The following CTNNA3 variants were observed in gnomAD, a reference collection of about 807,000 sequenced individuals.
CTNNA3 encodes the protein catenin alpha-3.
CTNNA3 carries 76 observed loss-of-function variants against 95.7 expected under a neutral mutation model. The observed-to-expected ratio is 0.79, with a 90% CI of 0.66 to 0.96. The LOEUF is 0.96. Among genes scored for constraint, CTNNA3 ranks in the 40% least tolerant of loss-of-function variants. The pLI is 0.00. For synonymous variants in CTNNA3, 431 were observed against 374.4 expected (o/e 1.15, Z -1.74); for missense variants, 1,191 against 1,089.8 (o/e 1.09, Z -1.31).
intron 5 of CTNNA3, among the ~76,000 whole-genome samples, chr10:67,321,752 A>T (rs73266255): frequency 0.055 from 8,395 of 152,194 alleles, 748 homozygotes; most frequent in African/African-American, 0.19. Flanking sequence ...TCAAACTCAC[A>T]TATACAACTT....
chr10:66,875,955 C>T (rs1470602769), intron 7 of CTNNA3, among the ~76,000 whole-genome samples: 1 of 152,086 alleles, frequency 6.6e-6, no homozygotes, highest in East Asian at 1.9e-4. Flanking sequence ...GTGTGTGGCT[C>T]ATTGGCTGAC....
At chr10:67,504,072 G>GCAAGAACCACTGCACTGAAA (rs1839335463) in intron 5 of CTNNA3, among the ~76,000 whole-genome samples, 1 of 151,602 alleles carries the variant, frequency 6.6e-6, no homozygotes, top group Non-Finnish European at 1.5e-5. Flanking sequence ...CAGGAGAATG[G>GCAAGAACCACTGCACTGAAA]TGTGAACCCA....
intron 5 of CTNNA3, among the ~76,000 whole-genome samples, chr10:67,344,616 T>C (rs1484784757): frequency 6.6e-6 from 1 of 152,128 alleles, no homozygotes; most frequent in African/African-American, 2.4e-5. Flanking sequence ...TCTTCTAGAT[T>C]GTTTCACCTT....
At chr10:67,449,878 T>C (rs927611249) in intron 5 of CTNNA3, among the ~76,000 whole-genome samples, 3 of 151,754 alleles carry the variant, frequency 2.0e-5, no homozygotes, top group African/African-American at 7.3e-5. Context: ...ACCTAAATAG[T>C]AGGAAAAAAT....
chr10:67,231,458 G>C (rs958409368), intron 5 of CTNNA3, among the ~76,000 whole-genome samples: 1 of 152,268 alleles, frequency 6.6e-6, no homozygotes, highest in Admixed American at 6.5e-5. Flanking sequence ...ACCTGCAGCT[G>C]AGGGTCCTGT....
intron 13 of CTNNA3, among the ~76,000 whole-genome samples, chr10:66,157,594 C>T (rs1225944571): frequency 6.6e-6 from 1 of 151,932 alleles, no homozygotes; most frequent in African/African-American, 2.4e-5. Context: ...GTTGGTTCCA[C>T]AATTTTGAAG....
intron 5 of CTNNA3, among the ~76,000 whole-genome samples, chr10:67,439,742 G>C (rs1846429490): frequency 6.6e-6 from 1 of 152,126 alleles, no homozygotes; most frequent in African/African-American, 2.4e-5. Context: ...GCCCAGAAGG[G>C]AGCCTGCTAC....
chr10:66,041,247 A>G (rs550654443), intron 15 of CTNNA3, among the ~76,000 whole-genome samples: 39 of 152,342 alleles, frequency 2.6e-4, no homozygotes, highest in African/African-American at 8.4e-4. Context: ...TGGCAAGGTC[A>G]TGAAAGACAA....
chr10:66,019,399 TGCCTTCATGTTGAAGG>T (rs1221118460), intron 15 of CTNNA3, among the ~76,000 whole-genome samples: 2 of 152,124 alleles, frequency 1.3e-5, no homozygotes, highest in Non-Finnish European at 2.9e-5. Context: ...ATCTTTCGCT[TGCCTTCATGTTGAAGG>T]ATATAGAATA....
At chr10:67,740,021 G>A (rs975140613) in intron 1 of CTNNA3, among the ~76,000 whole-genome samples, 1 of 152,084 alleles carries the variant, frequency 6.6e-6, no homozygotes, top group Non-Finnish European at 1.5e-5. Context: ...ACAACTATCT[G>A]ATCTTTGACA....
chr10:67,374,166 G>T (rs2132711741), intron 5 of CTNNA3, among the ~76,000 whole-genome samples: 1 of 152,218 alleles, frequency 6.6e-6, no homozygotes, highest in South Asian at 2.1e-4. Context: ...AATATTTTAA[G>T]GTTTGTTGGC....
intron 7 of CTNNA3, among the ~76,000 whole-genome samples, chr10:66,881,680 C>A (rs1415000665): frequency 6.6e-6 from 1 of 152,060 alleles, no homozygotes; most frequent in Non-Finnish European, 1.5e-5. Context: ...TGCAATGACA[C>A]TGATCAGCAA....
intron 16 of CTNNA3, among the ~76,000 whole-genome samples, chr10:65,978,797 T>A (rs3017065): frequency 4.6e-5 from 7 of 152,210 alleles, no homozygotes; most frequent in Non-Finnish European, 8.8e-5. Context: ...GCCATTAGTT[T>A]GTGCTTATTC....
intron 12 of CTNNA3, among the ~76,000 whole-genome samples, chr10:66,346,799 A>T (rs941031466): frequency 3.3e-5 from 5 of 152,076 alleles, no homozygotes; most frequent in Non-Finnish European, 7.4e-5. Context: ...GTAAGTAAAG[A>T]GACTCATTGA....
intron 1 of CTNNA3, among the ~76,000 whole-genome samples, chr10:67,738,436 T>C (rs191490616): frequency 1.5e-3 from 236 of 152,276 alleles, no homozygotes; most frequent in African/African-American, 5.4e-3. Context: ...AAACCCCATC[T>C]GTACGTCACC....
chr10:67,418,514 T>TTA (rs1554834495), intron 5 of CTNNA3, among the ~76,000 whole-genome samples: 2 of 144,248 alleles, frequency 1.4e-5, no homozygotes, highest in Admixed American at 1.4e-4. Context: ...TATTTCACTG[T>TTA]AAAAAAAAAA....
At chr10:66,373,847 C>A (rs535486802) in intron 12 of CTNNA3, among the ~76,000 whole-genome samples, 1 of 152,218 alleles carries the variant, frequency 6.6e-6, no homozygotes, top group Non-Finnish European at 1.5e-5. Flanking sequence ...TATTCATGAT[C>A]AATTGTTCAA....
At chr10:66,914,130 C>CTTTTTTTTTTTTTTTCTTTTTTTTTTTT (rs1846358790) in intron 7 of CTNNA3, among the ~76,000 whole-genome samples, 1 of 120,272 alleles carries the variant, frequency 8.3e-6, no homozygotes, top group African/African-American at 3.1e-5. Context: ...AGGGTGCCTT[C>CTTTTTTTTTTTTTTTCTTTTTTTTTTTT]TTTTTTTTTT....
chr10:66,804,030 A>G (rs1010751657), intron 7 of CTNNA3, among the ~76,000 whole-genome samples: 2 of 151,058 alleles, frequency 1.3e-5, no homozygotes, highest in Non-Finnish European at 2.9e-5. Context: ...TGCCACTGAC[A>G]TTTGTGAATA....
Sources: allele counts gnomAD v4.1 joint callset (sites outside exome capture counted in the v4.1 genomes callset), GRCh38; gene constraint gnomAD v4.1.1; transcripts MANE v1.5; gene names NCBI Gene and HGNC (gene_info 2026-07-23, HGNC 2026-07-21).